The following SLC25A16 variants were observed in gnomAD, a reference collection of about 807,000 sequenced individuals.
SLC25A16 encodes the protein mitochondrial coenzyme A transporter SLC25A16.
In SLC25A16, 39 loss-of-function variants were observed where a neutral mutation model predicts 41.5. The observed-to-expected ratio is 0.94, with a 90% CI of 0.73 to 1.23. The LOEUF (loss-of-function observed/expected upper bound fraction) is 1.23, where lower values mean the gene tolerates loss of function less well. Among genes scored for constraint, SLC25A16 ranks in the 50% most tolerant of loss-of-function variants. SLC25A16 has a pLI of 0.00. For synonymous variants in SLC25A16, 146 were observed against 147.8 expected (o/e 0.99, Z 0.09); for missense variants, 421 against 426.9 (o/e 0.99, Z 0.12).
intron 2 of SLC25A16, among the ~76,000 whole-genome samples, chr10:68,515,730 A>G (rs1232374150): frequency 6.6e-6 from 1 of 151,942 alleles, no homozygotes. Context: ...CCTGGGAGGC[A>G]GAGGTTGCAG....
In SLC25A16 at chr10:68,480,636, A is replaced by G. The variant is rs2052474326; in HGVS notation, c.*2796T>C. ...CTCAGCCTCCTGAGTAACTGGGACT[A>G]CAGGTGCGTGCCACCACGCCCAGCT... On this transcript the variant is annotated 3_prime_UTR_variant, in exon 9 of 9. Transcript: ENST00000609923. The G allele has an allele frequency of 6.6e-6, 1 of 151,626 alleles. No individual in the cohort carries two copies. The highest frequency in any genetic ancestry group is 2.4e-5 in the African/African-American group (1 of 41,264). The allele number at this position is 151,626 out of a possible 1,614,324, so 9.4% of individuals were successfully genotyped here.
At chr10:68,506,560 A>G (rs2052958105) in intron 3 of SLC25A16, 25 bp downstream of exon 3, 5 of 1,527,850 alleles carry the variant, frequency 3.3e-6, no homozygotes, top group Admixed American at 4.2e-5. Context: ...AGAACGCAAA[A>G]GAGAAAAGAT....
chr10:68,482,593 T>A lies in SLC25A16; in HGVS notation c.*839A>T, dbSNP rs75916691. 1.3e-5 allele frequency: 2 copies of A among 152,418 alleles called. No homozygotes were observed. Among genetic ancestry groups the A allele is most frequent in the African/African-American group, 4.8e-5 (2 of 41,450 alleles). The allele number at this position is 152,418 out of a possible 1,614,324, so 9.4% of individuals were successfully genotyped here. ...CAAATCTATAGTGTTACTTTTTTTT[T>A]AAGAGCAAAGATATTCAGTATTTTT... is the stretch of plus-strand genomic sequence containing the variant. On this transcript the variant is annotated 3_prime_UTR_variant, in exon 9 of 9. Coordinates refer to ENST00000609923, the MANE Select transcript of SLC25A16 (RefSeq NM_152707.4).
intron 2 of SLC25A16, among the ~76,000 whole-genome samples, chr10:68,509,858 C>A (rs2053030214): frequency 6.6e-6 from 1 of 151,694 alleles, no homozygotes; most frequent in South Asian, 2.1e-4. Context: ...TTTGGGAGGC[C>A]AAGGCAGGCA....
chr10:68,503,033 G>C (rs1398382894), intron 4 of SLC25A16: 1 of 151,970 alleles, frequency 6.6e-6, no homozygotes, highest in East Asian at 1.9e-4. Flanking sequence ...GAAAGAAATT[G>C]CTAATCATGG....
At chr10:68,492,471 A>T (rs2052675664) in intron 6 of SLC25A16, among the ~76,000 whole-genome samples, 1 of 149,446 alleles carries the variant, frequency 6.7e-6, no homozygotes, top group Admixed American at 6.7e-5. Flanking sequence ...AGTTTAGTTT[A>T]AAAAAAAAAC....
intron 2 of SLC25A16, among the ~76,000 whole-genome samples, chr10:68,510,377 C>CA (rs768260993): frequency 0.055 from 6,443 of 117,900 alleles, 418 homozygotes; most frequent in African/African-American, 0.17. Flanking sequence ...ACTAAAAATA[C>CA]AAAAAAAAAA....
At position 68,482,165 on chromosome 10, in the gene SLC25A16, G is replaced by A. The variant is rs2052490560; in HGVS notation, c.*1267C>T. ...ACCCGGGAGGCAGAGGTTGCAGTGA[G>A]CTGAGATCGCGCCACTGCACTCCAG... On this transcript the variant is annotated 3_prime_UTR_variant, in exon 9 of 9. Transcript: ENST00000609923. 6.6e-6 allele frequency: 1 copy of A among 151,366 alleles called. No individual in the cohort carries two copies. Among genetic ancestry groups the A allele is most frequent in the South Asian group, 2.1e-4 (1 of 4,806 alleles). The allele number at this position is 151,366 out of a possible 1,614,324, so 9.4% of individuals were successfully genotyped here. A position where few individuals can be genotyped will look rare whatever the true frequency, so the allele number is the denominator to read the frequency against.
intron 2 of SLC25A16, among the ~76,000 whole-genome samples, chr10:68,512,341 A>C: frequency 6.6e-6 from 1 of 152,180 alleles, no homozygotes; most frequent in East Asian, 1.9e-4. Context: ...AACTAAATTA[A>C]AGATAAATGA....
intron 8 of SLC25A16, among the ~76,000 whole-genome samples, chr10:68,486,237 A>AC (rs1385300949): frequency 6.5e-4 from 97 of 149,172 alleles, no homozygotes; most frequent in Middle Eastern, 3.4e-3. Context: ...AAAACAAAAA[A>AC]AAAAAAAAAA....
Position 68,483,260 on chromosome 10 carries a change from T to C in SLC25A16, c.*172A>G, listed in dbSNP as rs1447711535. On this transcript the variant is annotated 3_prime_UTR_variant, in exon 9 of 9. Transcript: ENST00000609923. Reference sequence around the variant, plus strand: ...GTATAATGTTTGGCATCAAAAAGTATGGTAAGCAGTTCTGATTTGTGACTA... The same window carrying C: ...GTATAATGTTTGGCATCAAAAAGTACGGTAAGCAGTTCTGATTTGTGACTA... 1.9e-6 allele frequency: 1 copy of C among 522,602 alleles called. No homozygotes were observed. Among genetic ancestry groups the C allele is most frequent in the Non-Finnish European group, 3.4e-6 (1 of 296,934 alleles). The allele number at this position is 522,602 out of a possible 1,614,324, so 32.4% of individuals were successfully genotyped here.
Position 68,527,353 on chromosome 10 carries a change from G to T in SLC25A16, c.23C>A (p.Ala8Glu). The T allele has an allele frequency of 6.6e-7, 1 of 1,509,886 alleles. No homozygotes were observed. The allele number at this position is 1,509,886 out of a possible 1,614,324, so 93.5% of individuals were successfully genotyped here. The change falls in exon 1 of 9, where the codon GCA becomes GAA. Residue 8 changes from alanine to glutamate, a missense_variant. Physicochemically the swap from Ala to Glu is moderately radical, Grantham distance 107 (BLOSUM62 -1). Transcript: ENST00000609923. MAAATAA[A>E]ALAAADPPPA... ...AGGGGGATCGGCCGCCGCCAGGGCT[G>T]CCGCGGCCGTCGCCGCCGCCATCAG...
At chr10:68,509,817 G>A (rs1342156928) in intron 2 of SLC25A16, among the ~76,000 whole-genome samples, 1 of 151,516 alleles carries the variant, frequency 6.6e-6, no homozygotes, top group East Asian at 1.9e-4. Context: ...CAAAGGCCAG[G>A]CGCGGTGACT....
intron 1 of SLC25A16, among the ~76,000 whole-genome samples, chr10:68,526,527 C>A (rs1047124302): frequency 1.1e-4 from 16 of 152,102 alleles, no homozygotes; most frequent in Admixed American, 6.6e-5. Flanking sequence ...TTCCCCGGGT[C>A]CCCTTATTTC....
intron 4 of SLC25A16, among the ~76,000 whole-genome samples, chr10:68,498,759 G>A (rs1458817007): frequency 6.6e-6 from 1 of 152,164 alleles, no homozygotes; most frequent in Non-Finnish European, 1.5e-5. Flanking sequence ...GATCCTCAAA[G>A]TACAGTGAGC....
chr10:68,515,191 T>G (rs977360540), intron 2 of SLC25A16, among the ~76,000 whole-genome samples: 1 of 150,574 alleles, frequency 6.6e-6, no homozygotes, highest in African/African-American at 2.4e-5. Flanking sequence ...ACCCCGTCTC[T>G]ACTAAAAATA....
intron 8 of SLC25A16, among the ~76,000 whole-genome samples, chr10:68,484,859 A>G (rs1459224877): frequency 2.0e-4 from 30 of 152,176 alleles, no homozygotes; most frequent in Non-Finnish European, 2.9e-5. Context: ...CTAAATTACT[A>G]TAAAGAAAAC....
At position 68,481,480 on chromosome 10, in the gene SLC25A16, G is replaced by C. The variant is rs1011943867; in HGVS notation, c.*1952C>G. On this transcript the variant is annotated 3_prime_UTR_variant, in exon 9 of 9. Coordinates refer to ENST00000609923, the MANE Select transcript of SLC25A16 (RefSeq NM_152707.4). ...CAACTTAGTTTTCCTTCTTTTGTTT[G>C]AAAGAAACGGGGTCTCACTATGTTG... 2 of 151,948 alleles carry C rather than the reference G, an allele frequency of 1.3e-5. No homozygotes were observed. The highest frequency in any genetic ancestry group is 2.9e-5 in the Non-Finnish European group (2 of 68,002). The allele number at this position is 151,948 out of a possible 1,614,324, so 9.4% of individuals were successfully genotyped here. A position where few individuals can be genotyped will look rare whatever the true frequency, so the allele number is the denominator to read the frequency against.
rs1286519404 is a variant in SLC25A16 at position 68,512,512 on chromosome 10, G to A, written c.223+4239C>T. On this transcript the variant is annotated intron_variant, in intron 2 of 8. Transcript: ENST00000609923. ...AAATTAGCCGGGCGTAGTGGCGGGC[G>A]CCTGTAGTCCCAGCTACTTGGGAGG... Among the ~76,000 whole-genome samples, 12 of 127,386 alleles carry A rather than the reference G, an allele frequency of 9.4e-5. 3 individuals carry two copies. Among genetic ancestry groups the A allele is most frequent in the South Asian group, 8.9e-4 (3 of 3,384 alleles). 83.6% of individuals were successfully genotyped at this position (127,386 alleles called of 152,430 possible).
Sources: gnomAD v4.1 joint callset for allele counts (sites outside exome capture counted in the v4.1 genomes callset) on GRCh38, gnomAD v4.1.1 for gene constraint, MANE v1.5 for transcripts, NCBI Gene and HGNC (gene_info 2026-07-23, HGNC 2026-07-21) for gene names.